The following CD82 variants were observed in gnomAD, a reference collection of about 807,000 sequenced individuals.
The protein encoded by CD82 is CD82 molecule, also known as CD82 antigen.
In CD82, 36 loss-of-function variants were observed where a neutral mutation model predicts 37.4. That is an observed-to-expected ratio of 0.96 (90% confidence interval 0.74 to 1.27). CD82 has a LOEUF of 1.27. CD82 is among the 50% of genes most tolerant of loss of function. The probability of loss-of-function intolerance (pLI) is 0.00; values close to 1 mark genes in which losing one functional copy is unlikely to be tolerated. For synonymous variants in CD82, 158 were observed against 137.4 expected, an observed-to-expected ratio of 1.15 and a Z score of -1.05; for missense variants, 340 against 347.0, an observed-to-expected ratio of 0.98 and a Z score of 0.16.
At chr11:44,576,214 C>T (rs979959419) in intron 1 of CD82, among the ~76,000 whole-genome samples, 20 of 152,192 alleles carry the variant, frequency 1.3e-4, no homozygotes, top group Non-Finnish European at 2.5e-4. Flanking sequence ...GCCTGGGCTT[C>T]GTCTGGCAGG....
At chr11:44,580,384 A>C (rs1430797462) in intron 1 of CD82, among the ~76,000 whole-genome samples, 1 of 152,222 alleles carries the variant, frequency 6.6e-6, no homozygotes, top group Non-Finnish European at 1.5e-5. Flanking sequence ...GGATTAGCCC[A>C]TTGGACAGAT....
Position 44,619,180 on chromosome 11 carries a change from G to GAGACCCCTGGGA in CD82, c.*54_*55insAGACCCCTGGGA. 12 of 1,428,416 alleles carry GAGACCCCTGGGA rather than the reference G, an allele frequency of 8.4e-6. No individual in the cohort carries two copies. The highest frequency in any genetic ancestry group is 1.1e-5 in the South Asian group (1 of 87,524). The allele number at this position is 1,428,416 out of a possible 1,614,324, so 88.5% of individuals were successfully genotyped here. Reference sequence around the variant, plus strand: ...GGCCCCCAACCTCAGGGCTCCCAGGGGTCTCCCTGGCTCCCTCCTCCAGGC... The same window carrying GAGACCCCTGGGA: ...GGCCCCCAACCTCAGGGCTCCCAGGGAGACCCCTGGGAGTCTCCCTGGCTCCCTCCTCCAGGC... On this transcript the variant is annotated 3_prime_UTR_variant, in exon 10 of 10. Coordinates refer to ENST00000227155, the MANE Select transcript of CD82 (RefSeq NM_002231.4).
chr11:44,591,270 C>T (rs1386822559), intron 2 of CD82, among the ~76,000 whole-genome samples: 1 of 152,196 alleles, frequency 6.6e-6, no homozygotes, highest in Non-Finnish European at 1.5e-5. Context: ...CTTGCCAGTC[C>T]TCCTACTTGA....
Position 44,572,238 on chromosome 11 carries a change from C to T in CD82, c.-103+6502C>T, listed in dbSNP as rs116804204. On this transcript the variant is annotated intron_variant, in intron 1 of 9. Transcript: ENST00000227155. ...GCAGAGCTGCTCCCCTACAACTCTA[C>T]TCTATCAGGCCAAAATACAGGCAAC... 7.5e-3 allele frequency among the ~76,000 whole-genome samples: 1,149 copies of T among 152,350 alleles called. 13 individuals carry two copies. The highest frequency in any genetic ancestry group is 0.026 in the African/African-American group (1,074 of 41,596).
chr11:44,589,945 T>C (rs2134646975), intron 2 of CD82, among the ~76,000 whole-genome samples: 1 of 152,218 alleles, frequency 6.6e-6, no homozygotes, highest in African/African-American at 2.4e-5. Context: ...ACCATTCTCC[T>C]GCCTCAGCCT....
At chr11:44,613,024 A>T (rs1425240055) in intron 6 of CD82, among the ~76,000 whole-genome samples, 1 of 152,134 alleles carries the variant, frequency 6.6e-6, no homozygotes, top group Non-Finnish European at 1.5e-5. Flanking sequence ...CACAGCGTTC[A>T]TTCAAGGACT....
chr11:44,595,294 GGA>G (rs1479160178), intron 3 of CD82, among the ~76,000 whole-genome samples: 1 of 152,174 alleles, frequency 6.6e-6, no homozygotes, highest in African/African-American at 2.4e-5. Context: ...TCAGCTCTGT[GGA>G]CATTGACTGC....
chr11:44,564,418 C>T (rs1378840062), upstream of CD82: 5 of 455,196 alleles, frequency 1.1e-5, no homozygotes, highest in African/African-American at 2.0e-5. Context: ...CCTCCCACAA[C>T]GGTGTGTTGT....
Position 44,605,220 on chromosome 11 carries a change from C to T in CD82, c.261+38C>T, listed in dbSNP as rs770896485. ...CCCTCCGCAGCTGCCTGCCCATTTC[C>T]TCTCATCCAGCCGAGTGCAGCCTGA... On this transcript the variant is annotated intron_variant, in intron 5 of 9. Transcript: ENST00000227155. The T allele has an allele frequency of 1.7e-5, 27 of 1,608,628 alleles. 1 individual carries two copies. In the South Asian group the frequency reaches 3.0e-4, roughly 18 times the overall value.
chr11:44,596,817 C>A (rs1313156678), intron 3 of CD82: 2 of 440,678 alleles, frequency 4.5e-6, no homozygotes, highest in African/African-American at 2.0e-5. Flanking sequence ...GCGGAAGAGC[C>A]CTGATTGCTA....
intron 1 of CD82, among the ~76,000 whole-genome samples, chr11:44,570,087 A>AG (rs1476328165): frequency 6.6e-6 from 1 of 152,204 alleles, no homozygotes; most frequent in Admixed American, 6.5e-5. Context: ...CCTTCTGCAC[A>AG]GGGCCTCTGT....
chr11:44,589,332 G>A (rs1261431819), intron 2 of CD82, among the ~76,000 whole-genome samples: 1 of 152,220 alleles, frequency 6.6e-6, no homozygotes, highest in Non-Finnish European at 1.5e-5. Context: ...TGACTGTTCT[G>A]GAAGTTTCCC....
intron 3 of CD82, among the ~76,000 whole-genome samples, chr11:44,596,396 G>A (rs1173035069): frequency 6.6e-6 from 1 of 152,274 alleles, no homozygotes; most frequent in Non-Finnish European, 1.5e-5. Flanking sequence ...GAGGAGCCTG[G>A]GCTCTGGCCT....
intron 6 of CD82, chr11:44,606,623 G>A (rs1311964174): frequency 2.6e-5 from 4 of 152,338 alleles, no homozygotes; most frequent in Admixed American, 1.3e-4. Flanking sequence ...TGGCTGTTGG[G>A]TGAGCCAGTT....
Position 44,612,623 on chromosome 11 carries a change from A to ATTTTTTTTTTTTT in CD82, c.337-2634_337-2622dup, listed in dbSNP as rs34301171. On this transcript the variant is annotated intron_variant, in intron 6 of 9. Coordinates refer to ENST00000227155, the MANE Select transcript of CD82 (RefSeq NM_002231.4). ...ATCAGAGGCTGGTTTCCCAGCATTAATTTTTTTTTTTTTTTTTTTTTTTTT... is the reference window on the plus strand; with the variant it reads ...ATCAGAGGCTGGTTTCCCAGCATTAATTTTTTTTTTTTTTTTTTTTTTTTTTTTTTTTTTTTTT... 9.5e-5 allele frequency among the ~76,000 whole-genome samples: 6 copies of ATTTTTTTTTTTTT among 63,072 alleles called. 1 individual carries two copies. Among genetic ancestry groups the ATTTTTTTTTTTTT allele is most frequent in the African/African-American group, 3.5e-4 (5 of 14,232 alleles). The allele number at this position is 63,072 out of a possible 152,430, so 41.4% of individuals were successfully genotyped here.
At position 44,619,345 on chromosome 11, in the gene CD82, C is replaced by T. The variant is rs1853623476; in HGVS notation, c.*219C>T. On this transcript the variant is annotated 3_prime_UTR_variant, in exon 10 of 10. Coordinates refer to ENST00000227155, the MANE Select transcript of CD82 (RefSeq NM_002231.4). ...GTTCTGTGGTTCCTCTGCTCACCGC[C>T]CATCAGGGTTCTCTTAGCAACTCAG... 5.3e-6 allele frequency: 3 copies of T among 561,766 alleles called. No homozygotes were observed. Among genetic ancestry groups the T allele is most frequent in the Non-Finnish European group, 9.6e-6 (3 of 313,718 alleles). 34.8% of individuals were successfully genotyped at this position (561,766 alleles called of 1,614,324 possible). A position where few individuals can be genotyped will look rare whatever the true frequency, so the allele number is the denominator to read the frequency against.
intron 4 of CD82, 41 bp from the exon 5 acceptor site, chr11:44,605,017 C>T (rs760118320): frequency 1.2e-6 from 2 of 1,613,958 alleles, no homozygotes; most frequent in African/African-American, 2.7e-5. Context: ...GGTGTTTATA[C>T]CTGCTGTGCC....
At chr11:44,592,042 C>T (rs1331430971) in intron 2 of CD82, among the ~76,000 whole-genome samples, 1 of 152,146 alleles carries the variant, frequency 6.6e-6, no homozygotes, top group Non-Finnish European at 1.5e-5. Context: ...TGGTCTCGAA[C>T]TCCTGACCTC....
upstream of CD82, chr11:44,565,545 G>A (rs1399805843): frequency 6.6e-6 from 1 of 151,672 alleles, no homozygotes; most frequent in African/African-American, 2.4e-5. Flanking sequence ...CTTCCCAAAG[G>A]GCTCGGGGGC....
Sources: allele counts gnomAD v4.1 joint callset (sites outside exome capture counted in the v4.1 genomes callset), GRCh38; gene constraint gnomAD v4.1.1; transcripts MANE v1.5; gene names NCBI Gene and HGNC (gene_info 2026-07-23, HGNC 2026-07-21).